HTR2C: variants seen among roughly 807,000 people sequenced by gnomAD.
HTR2C encodes the protein 5-hydroxytryptamine receptor 2C.
A neutral mutation model predicts 21.0 loss-of-function variants in HTR2C; 5 were observed. That is an observed-to-expected ratio of 0.24 (90% confidence interval 0.12 to 0.50). The LOEUF (loss-of-function observed/expected upper bound fraction) is 0.50. Ranked by LOEUF, HTR2C falls within the 20% of genes least tolerant of loss-of-function variation. The pLI is 0.98. For synonymous variants in HTR2C, 150 were observed against 145.3 expected, an observed-to-expected ratio of 1.03 and a Z score of -0.23; for missense variants, 271 against 371.2, an observed-to-expected ratio of 0.73 and a Z score of 2.22.
intron 5 of HTR2C, among the ~76,000 whole-genome samples, chrX:114,865,864 G>T (rs1298797250): frequency 7.2e-5 from 8 of 110,891 alleles, no homozygotes; most frequent in Non-Finnish European, 7.6e-5. Flanking sequence ...TGCCCAGGCT[G>T]GAATGCAGTG....
intron 4 of HTR2C, among the ~76,000 whole-genome samples, chrX:114,814,919 AG>A (rs2070569890): frequency 9.7e-6 from 1 of 102,687 alleles, no homozygotes; most frequent in African/African-American, 3.5e-5. Flanking sequence ...TATATCATAT[AG>A]TATATATCAT....
chrX:114,694,190 TGTTTA>T (rs2147862554), intron 2 of HTR2C, among the ~76,000 whole-genome samples: 1 of 111,038 alleles, frequency 9.0e-6, no homozygotes, highest in Non-Finnish European at 1.9e-5. Flanking sequence ...TTAATGAAAC[TGTTTA>T]TTTTCCTTCA....
intron 4 of HTR2C, chrX:114,776,043 G>A: frequency 2.3e-6 from 1 of 440,050 alleles, no homozygotes; most frequent in Non-Finnish European, 4.0e-6. Flanking sequence ...TTATACTTAT[G>A]CTTGAACTCA....
chrX:114,755,669 G>A (rs1556429878), intron 4 of HTR2C, among the ~76,000 whole-genome samples: 3 of 110,850 alleles, frequency 2.7e-5, no homozygotes, highest in Non-Finnish European at 5.7e-5. Context: ...TTTTTGGGGG[G>A]TCATTTTTCA....
intron 4 of HTR2C, among the ~76,000 whole-genome samples, chrX:114,791,766 G>GAC (rs782747297): frequency 1.1e-4 from 12 of 109,016 alleles, no homozygotes; most frequent in East Asian, 8.6e-4. Context: ...TAAACACACA[G>GAC]ACACACACAC....
chrX:114,616,228 G>T (rs1928943823), intron 2 of HTR2C, among the ~76,000 whole-genome samples: 2 of 104,114 alleles, frequency 1.9e-5, no homozygotes, highest in Admixed American at 1.0e-4. Context: ...TCTTTGGGTT[G>T]TTTTTTTTTT....
intron 2 of HTR2C, chrX:114,652,718 T>C (rs782311831): frequency 2.7e-6 from 1 of 372,743 alleles, no homozygotes; most frequent in East Asian, 7.7e-5. Context: ...GAGCACCTGT[T>C]ATGTGGAGGA....
chrX:114,670,391 T>C (rs1255274369), intron 2 of HTR2C, among the ~76,000 whole-genome samples: 1 of 29,984 alleles, frequency 3.3e-5, no homozygotes, highest in Non-Finnish European at 5.4e-5. Flanking sequence ...TGATACTCTG[T>C]CTCAAAAAAA....
chrX:114,854,046 C>A (rs111320925), intron 5 of HTR2C, among the ~76,000 whole-genome samples: 2,134 of 111,627 alleles, frequency 0.019, 53 homozygotes, highest in African/African-American at 0.065. Flanking sequence ...TCCTTATCAA[C>A]ATTTATAATG....
Position 114,907,288 on chromosome X carries a change from G to A in HTR2C, c.1250G>A (p.Arg417Gln), listed in dbSNP as rs2071383082. ...AGGGAGCTTAATGTTAACATTTATC[G>A]GCATACCAATGAACCGGTGATCGAG... ...SGRELNVNIY[R>Q]HTNEPVIEKA... The change falls in exon 6 of 6, where the codon CGG (arginine) becomes CAG (glutamine). Residue 417 changes from arginine to glutamine, a missense_variant. Physicochemically the swap from Arg to Gln is conservative, Grantham distance 43. Around this residue, in one of 5 missense-constraint regions of HTR2C, gnomAD observed 192 missense variants for 247.2 expected, o/e 0.78. Transcript: ENST00000276198. 8.3e-7 allele frequency: 1 copy of A among 1,210,494 alleles called. No homozygotes were observed. Among genetic ancestry groups the A allele is most frequent in the Non-Finnish European group, 1.1e-6 (1 of 894,594 alleles).
intron 2 of HTR2C, among the ~76,000 whole-genome samples, chrX:114,683,207 G>A (rs1368892744): frequency 9.0e-6 from 1 of 111,258 alleles, no homozygotes; most frequent in African/African-American, 3.3e-5. Flanking sequence ...TGCTCTTTGA[G>A]GTTCTTTACA....
intron 5 of HTR2C, among the ~76,000 whole-genome samples, chrX:114,880,789 G>C (rs1230794946): frequency 3.6e-5 from 4 of 111,696 alleles, no homozygotes; most frequent in African/African-American, 1.3e-4. Context: ...TGAATACTCT[G>C]TTGTAAGAAT....
chrX:114,860,866 C>T (rs1376701818), intron 5 of HTR2C, among the ~76,000 whole-genome samples: 2 of 111,103 alleles, frequency 1.8e-5, no homozygotes, highest in Admixed American at 9.7e-5. Flanking sequence ...CACTGATCTG[C>T]TTTCTGTCAC....
At position 114,906,676 on chromosome X, in the gene HTR2C, A is replaced by C; in HGVS notation, c.638A>C (p.Asn213Thr). Residue 213 changes from asparagine (N) to threonine (T), a missense_variant, in exon 6 of 6, where the codon AAT (asparagine) becomes ACT (threonine). Transcript: ENST00000276198. ...NNTTCVLNDP[N>T]FVLIGSFVAF... The stretch of plus-strand genomic sequence containing the variant: ...ACGACGTGCGTGCTCAACGACCCAA[A>C]TTTCGTTCTTATTGGGTCCTTCGTA... 6 of 1,210,445 alleles carry C rather than the reference A, an allele frequency of 5.0e-6. No homozygotes were observed. The highest frequency in any genetic ancestry group is 4.5e-6 in the Non-Finnish European group (4 of 894,603).
chrX:114,761,862 T>TCC (rs2069870300), intron 4 of HTR2C, among the ~76,000 whole-genome samples: 1 of 99,213 alleles, frequency 1.0e-5, no homozygotes, highest in African/African-American at 4.2e-5. Context: ...TTACTCTCTA[T>TCC]CTCTCTCTCT....
At chrX:114,694,448 T>C (rs1466687880) in intron 2 of HTR2C, among the ~76,000 whole-genome samples, 5 of 1,908 alleles carry the variant, frequency 2.6e-3, no homozygotes, top group Admixed American at 0.01. Context: ...TATATATATA[T>C]ATATATATAT....
chrX:114,660,366 C>G (rs2147841050), intron 2 of HTR2C, among the ~76,000 whole-genome samples: 1 of 112,084 alleles, frequency 8.9e-6, no homozygotes, highest in Non-Finnish European at 1.9e-5. Context: ...TTGAAAAAGT[C>G]TTTCCTATGC....
At chrX:114,784,673 G>C (rs1480870237) in intron 4 of HTR2C, among the ~76,000 whole-genome samples, 1 of 107,373 alleles carries the variant, frequency 9.3e-6, no homozygotes, top group Non-Finnish European at 1.9e-5. Context: ...AGGGTGGAGT[G>C]CAGTGGCGCG....
At chrX:114,782,075 A>T (rs984444832) in intron 4 of HTR2C, among the ~76,000 whole-genome samples, 1 of 107,647 alleles carries the variant, frequency 9.3e-6, no homozygotes, top group Non-Finnish European at 1.9e-5. Flanking sequence ...AAGCAGTCTG[A>T]CAAAAATGCA....
Sources: gnomAD v4.1 joint callset for allele counts (sites outside exome capture counted in the v4.1 genomes callset) on GRCh38, gnomAD v4.1.1 for gene constraint, gnomAD v4.1.1 regional missense constraint, MANE v1.5 for transcripts, NCBI Gene and HGNC (gene_info 2026-07-23, HGNC 2026-07-21) for gene names.